Variants in MAF observed in about 807,000 individuals in gnomAD.
The protein encoded by MAF is MAF bZIP transcription factor, also known as transcription factor Maf.
In MAF, 10 loss-of-function variants were observed where a neutral mutation model predicts 22.0. The observed-to-expected ratio is 0.45, with a 90% CI of 0.28 to 0.77. The LOEUF is 0.77. Ranked by LOEUF, MAF falls within the 30% of genes least tolerant of loss-of-function variation. The probability of loss-of-function intolerance (pLI) is 0.12; values close to 1 mark genes in which losing one functional copy is unlikely to be tolerated. For synonymous variants in MAF, 337 were observed against 255.8 expected, an observed-to-expected ratio of 1.32 and a Z score of -3.03; for missense variants, 544 against 548.4, an observed-to-expected ratio of 0.99 and a Z score of 0.08.
At chr16:79,572,427 A>G in the MAF span, among the ~76,000 whole-genome samples, 157 of 152,348 alleles carry the variant, frequency 1.0e-3, no homozygotes, top group African/African-American at 3.7e-3. Flanking sequence ...CCTAGAACAG[A>G]GGAACCGCTG....
At chr16:79,549,212 C>T in the MAF span, among the ~76,000 whole-genome samples, 3 of 151,478 alleles carry the variant, frequency 2.0e-5, no homozygotes, top group Non-Finnish European at 1.5e-5. Flanking sequence ...AGTGGCATTT[C>T]CTGAGCAGTC....
the MAF span, among the ~76,000 whole-genome samples, chr16:79,525,474 CA>C: frequency 6.6e-6 from 1 of 152,112 alleles, no homozygotes; most frequent in African/African-American, 2.4e-5. Flanking sequence ...CAAATATTGA[CA>C]GCAATTTGAT....
rs771268967 is a variant in MAF at position 79,599,491 on chromosome 16, G to A, written c.412C>T (p.Leu138=). 6.9e-7 allele frequency: 1 copy of A among 1,441,902 alleles called. No homozygotes were observed. Among genetic ancestry groups the A allele is most frequent in the Admixed American group, 2.9e-5 (1 of 34,548 alleles). The allele number at this position is 1,441,902 out of a possible 1,614,324, so 89.3% of individuals were successfully genotyped here. The part of the protein sequence containing the change: ...FDGYARGAQQ[L]AAAAGAGAGA... ...GCACCGGCCCCGGCCGCCGCGGCCA[G>A]CTGCTGCGCCCCGCGCGCGTAGCCA... The change falls in exon 1 of 2, where the codon CTG becomes TTG. Residue 138 remains leucine (L), a synonymous_variant. Transcript: ENST00000326043.
chr16:79,585,233 C>G (rs769965408), downstream of MAF, among the ~76,000 whole-genome samples: 2 of 152,136 alleles, frequency 1.3e-5, no homozygotes, highest in Non-Finnish European at 2.9e-5. Flanking sequence ...TTAAATAGCT[C>G]AATTCCATTA....
At chr16:79,381,261 G>A in the MAF span, among the ~76,000 whole-genome samples, 1 of 152,240 alleles carries the variant, frequency 6.6e-6, no homozygotes. Flanking sequence ...AAAGGGTTTA[G>A]ACTAATTGTG....
chr16:79,572,089 T>A, the MAF span, among the ~76,000 whole-genome samples: 1 of 152,242 alleles, frequency 6.6e-6, no homozygotes, highest in Non-Finnish European at 1.5e-5. Flanking sequence ...ATTCCACCTC[T>A]AAGCTGCTGC....
chr16:79,463,053 C>A, the MAF span, among the ~76,000 whole-genome samples: 2 of 152,104 alleles, frequency 1.3e-5, no homozygotes, highest in Non-Finnish European at 2.9e-5. Context: ...ATCTCCACTG[C>A]AATAAGAATG....
chr16:79,310,220 G>C, the MAF span, among the ~76,000 whole-genome samples: 126 of 152,274 alleles, frequency 8.3e-4, no homozygotes, highest in African/African-American at 3.0e-3. Context: ...GCACGCACGG[G>C]AGCGCAAAAT....
downstream of MAF, among the ~76,000 whole-genome samples, chr16:79,584,880 T>C (rs780466295): frequency 1.8e-4 from 28 of 152,352 alleles, 1 homozygote; most frequent in Non-Finnish European, 1.5e-4. Context: ...AGTAATCAGA[T>C]ACTATTTTTA....
At chr16:79,590,685 T>C (rs74321801), downstream of MAF, among the ~76,000 whole-genome samples, 370 of 151,906 alleles carry the variant, frequency 2.4e-3, 12 homozygotes, top group East Asian at 0.062. Context: ...TGCAAACAGA[T>C]CCTTCTTGGT....
the MAF span, among the ~76,000 whole-genome samples, chr16:79,252,551 G>A: frequency 6.6e-6 from 1 of 151,948 alleles, no homozygotes; most frequent in African/African-American, 2.4e-5. Flanking sequence ...GTGCAGTAGC[G>A]CCATCTCAGC....
At chr16:79,542,052 G>A in the MAF span, among the ~76,000 whole-genome samples, 1 of 152,170 alleles carries the variant, frequency 6.6e-6, no homozygotes, top group Non-Finnish European at 1.5e-5. Context: ...AAAAAGCTAA[G>A]CTGGTTGGTC....
chr16:79,518,378 A>G, the MAF span, among the ~76,000 whole-genome samples: 1 of 152,310 alleles, frequency 6.6e-6, no homozygotes, highest in African/African-American at 2.4e-5. Context: ...GGCTGGCTGG[A>G]GAAGTCATTA....
At chr16:79,327,912 A>C in the MAF span, among the ~76,000 whole-genome samples, 1 of 152,224 alleles carries the variant, frequency 6.6e-6, no homozygotes, top group Admixed American at 6.5e-5. Flanking sequence ...GATCGCCAGA[A>C]AATCCTGCTA....
chr16:79,305,888 T>C, the MAF span, among the ~76,000 whole-genome samples: 1 of 152,176 alleles, frequency 6.6e-6, no homozygotes, highest in Admixed American at 6.5e-5. Flanking sequence ...GCGTTTGCAC[T>C]ATTTGGGACC....
chr16:79,558,066 G>C, the MAF span, among the ~76,000 whole-genome samples: 2 of 150,738 alleles, frequency 1.3e-5, no homozygotes, highest in Non-Finnish European at 2.9e-5. Context: ...CACCTGTCCT[G>C]GAAACTGATC....
chr16:79,452,730 G>T, the MAF span, among the ~76,000 whole-genome samples: 1 of 152,114 alleles, frequency 6.6e-6, no homozygotes, highest in African/African-American at 2.4e-5. Context: ...TTAAAGGGAT[G>T]TGGGCAGAGT....
At chr16:79,382,709 C>T in the MAF span, among the ~76,000 whole-genome samples, 1 of 152,178 alleles carries the variant, frequency 6.6e-6, no homozygotes, top group Non-Finnish European at 1.5e-5. Context: ...ATTTGACCTT[C>T]TGTTGATCAG....
chr16:79,581,823 T>C (rs558689044), downstream of MAF, among the ~76,000 whole-genome samples: 2 of 152,220 alleles, frequency 1.3e-5, no homozygotes, highest in Admixed American at 6.5e-5. Flanking sequence ...TACGTGTTAA[T>C]GTCATTCCGC....
Sources: allele counts gnomAD v4.1 joint callset (sites outside exome capture counted in the v4.1 genomes callset), GRCh38; gene constraint gnomAD v4.1.1; transcripts MANE v1.5; gene names NCBI Gene and HGNC (gene_info 2026-07-23, HGNC 2026-07-21).